OXSR1: variants seen among roughly 807,000 people sequenced by gnomAD.
OXSR1 encodes oxidative stress responsive kinase 1.
Under a neutral mutation model 79.8 loss-of-function variants are expected in OXSR1, and 24 were observed. The ratio of observed to expected loss-of-function variants is 0.30; its 90% confidence interval spans 0.22 to 0.42. The LOEUF is 0.42. Among genes scored for constraint, OXSR1 ranks in the 10% least tolerant of loss-of-function variants. The probability of loss-of-function intolerance (pLI) is 1.00; values close to 1 mark genes in which losing one functional copy is unlikely to be tolerated. For synonymous variants in OXSR1, 226 were observed against 209.2 expected (o/e 1.08, Z -0.69); for missense variants, 430 against 618.4 (o/e 0.70, Z 3.23).
At chr3:38,242,806 G>T in intron 12 of OXSR1, 28 bp downstream of exon 12, 1 of 1,394,108 alleles carries the variant, frequency 7.2e-7, no homozygotes, top group Non-Finnish European at 1.0e-6. Context: ...TTGAATCCTT[G>T]TTAAAGTAAA....
intron 12 of OXSR1, among the ~76,000 whole-genome samples, chr3:38,243,943 C>T (rs912696901): frequency 6.6e-6 from 1 of 152,146 alleles, no homozygotes; most frequent in Non-Finnish European, 1.5e-5. Flanking sequence ...ACTCATGATT[C>T]CCCTTGTCTC....
chr3:38,172,124 A>G (rs1036242597), intron 1 of OXSR1, among the ~76,000 whole-genome samples: 1 of 151,994 alleles, frequency 6.6e-6, no homozygotes, highest in Non-Finnish European at 1.5e-5. Flanking sequence ...TTGTCCTCAT[A>G]TTTCCCAATT....
intron 2 of OXSR1, among the ~76,000 whole-genome samples, chr3:38,189,834 A>T (rs1004054356): frequency 5.3e-5 from 8 of 152,218 alleles, no homozygotes; most frequent in African/African-American, 1.9e-4. Flanking sequence ...GTGATTGAGA[A>T]TCTACTTTTG....
intron 1 of OXSR1, among the ~76,000 whole-genome samples, chr3:38,179,215 G>T (rs1480075284): frequency 6.6e-6 from 1 of 151,864 alleles, no homozygotes; most frequent in Non-Finnish European, 1.5e-5. Flanking sequence ...ATTTTTGTAG[G>T]GACGGAGTCC....
intron 2 of OXSR1, among the ~76,000 whole-genome samples, chr3:38,184,445 C>G (rs13324160): frequency 6.6e-6 from 1 of 152,130 alleles, no homozygotes. Context: ...GACACTTGAA[C>G]TGCAGTGATG....
At chr3:38,195,620 G>A (rs1488724365) in intron 3 of OXSR1, among the ~76,000 whole-genome samples, 1 of 152,170 alleles carries the variant, frequency 6.6e-6, no homozygotes, top group Non-Finnish European at 1.5e-5. Flanking sequence ...TATATTTAAA[G>A]AGTATCTTTT....
intron 4 of OXSR1, among the ~76,000 whole-genome samples, chr3:38,201,681 G>A (rs528015166): frequency 1.1e-3 from 174 of 151,650 alleles, no homozygotes; most frequent in African/African-American, 4.2e-3. Context: ...CTGCACTCCA[G>A]CTTAGGCGAC....
intron 4 of OXSR1, among the ~76,000 whole-genome samples, chr3:38,203,119 C>T (rs1031091308): frequency 4.6e-5 from 7 of 152,168 alleles, no homozygotes; most frequent in Admixed American, 6.5e-5. Context: ...TAGTAGATAG[C>T]GGTAGAAGGA....
intron 7 of OXSR1, 143 bp downstream of exon 7, chr3:38,224,056 A>G (rs1702641275): frequency 3.6e-6 from 2 of 561,138 alleles, no homozygotes; most frequent in Non-Finnish European, 6.3e-6. Flanking sequence ...TTTTGAATAT[A>G]TAGTTCAATG....
intron 9 of OXSR1, 148 bp downstream of exon 9, chr3:38,229,883 T>G (rs1320827025): frequency 1.5e-6 from 1 of 654,972 alleles, no homozygotes; most frequent in African/African-American, 1.9e-5. Context: ...ATACAGTCTT[T>G]GATAATTAAG....
chr3:38,223,591 C>G, intron 6 of OXSR1, among the ~76,000 whole-genome samples: 1 of 150,984 alleles, frequency 6.6e-6, no homozygotes, highest in East Asian at 1.9e-4. Flanking sequence ...TACAGGCATG[C>G]GCCACCGTGC....
chr3:38,225,060 T>C (rs1450896423), intron 8 of OXSR1: 1 of 154,060 alleles, frequency 6.5e-6, no homozygotes, highest in African/African-American at 2.4e-5. Context: ...GAAAGACACA[T>C]AGAAAATTTA....
At chr3:38,223,979 G>T in intron 7 of OXSR1, 66 bp downstream of exon 7, 1 of 947,882 alleles carries the variant, frequency 1.1e-6, no homozygotes, top group Non-Finnish European at 1.6e-6. Flanking sequence ...CCATTTGCCA[G>T]TCTTTTAATT....
At chr3:38,164,780 G>A (rs959855112), upstream of OXSR1, among the ~76,000 whole-genome samples, 5 of 152,136 alleles carry the variant, frequency 3.3e-5, no homozygotes, top group African/African-American at 1.2e-4. Flanking sequence ...CAGATCTAAA[G>A]CTGCGAATGG....
intron 13 of OXSR1, 146 bp downstream of exon 13, chr3:38,246,367 C>T: frequency 2.7e-6 from 2 of 739,100 alleles, no homozygotes. Flanking sequence ...CATTTTTAAG[C>T]ATGTACAGGT....
intron 4 of OXSR1, among the ~76,000 whole-genome samples, chr3:38,203,915 T>C (rs1702217704): frequency 6.6e-6 from 1 of 152,196 alleles, no homozygotes; most frequent in Non-Finnish European, 1.5e-5. Flanking sequence ...GTGTTCCTCC[T>C]TTCATGGCAG....
At chr3:38,194,875 A>C (rs1015433024) in intron 3 of OXSR1, among the ~76,000 whole-genome samples, 2 of 152,248 alleles carry the variant, frequency 1.3e-5, no homozygotes, top group Admixed American at 6.5e-5. Flanking sequence ...CACAGTTTTG[A>C]TTTAGGAACG....
intron 5 of OXSR1, among the ~76,000 whole-genome samples, chr3:38,221,115 A>G (rs551206583): frequency 3.9e-5 from 6 of 152,236 alleles, no homozygotes; most frequent in African/African-American, 1.4e-4. Flanking sequence ...ATTCTGTAGG[A>G]GTTTCTGAAC....
intron 2 of OXSR1, among the ~76,000 whole-genome samples, chr3:38,190,383 C>G (rs1013692929): frequency 6.6e-6 from 1 of 152,120 alleles, no homozygotes; most frequent in Non-Finnish European, 1.5e-5. Context: ...TAGTTAATAT[C>G]TTTTATAGCT....
Sources: gnomAD v4.1 joint callset for allele counts (sites outside exome capture counted in the v4.1 genomes callset) on GRCh38, gnomAD v4.1.1 for gene constraint, MANE v1.5 for transcripts, NCBI Gene and HGNC (gene_info 2026-07-23, HGNC 2026-07-21) for gene names.